The following MORC3 variants were observed in gnomAD, a reference collection of about 807,000 sequenced individuals.
MORC3 encodes the protein MORC family CW-type zinc finger protein 3.
Under a neutral mutation model 109.1 loss-of-function variants are expected in MORC3, and 31 were observed. That is an observed-to-expected ratio of 0.28 (90% CI 0.21 to 0.38). MORC3 has a LOEUF of 0.38. Among genes scored for constraint, MORC3 ranks in the 10% least tolerant of loss-of-function variants. The pLI is 1.00. For synonymous variants in MORC3, 395 were observed against 380.7 expected, an observed-to-expected ratio of 1.04 and a Z score of -0.44; for missense variants, 867 against 1,135.8, an observed-to-expected ratio of 0.76 and a Z score of 3.40.
intron 1 of MORC3, among the ~76,000 whole-genome samples, chr21:36,326,908 C>T (rs1313250501): frequency 5.3e-5 from 8 of 151,668 alleles, no homozygotes; most frequent in Non-Finnish European, 1.0e-4. Flanking sequence ...CTCTGCTTCC[C>T]GGGTTTAAGC....
Position 36,375,997 on chromosome 21 carries a change from T to C in MORC3, c.*701T>C, listed in dbSNP as rs369007667. The C allele has an allele frequency of 3.9e-5, 6 of 152,212 alleles. No individual in the cohort carries two copies. The East Asian group carries it at 1.2e-3, about 29-fold the overall frequency. The allele number at this position is 152,212 out of a possible 1,614,324, so 9.4% of individuals were successfully genotyped here. ...TGAAATATTAAATGGCCACCAAGTT[T>C]ACTTTGAAGCCCATTTTTGGCTGTT... is the stretch of plus-strand genomic sequence containing the variant. On this transcript the variant is annotated 3_prime_UTR_variant, in exon 17 of 17. Coordinates refer to ENST00000400485, the MANE Select transcript of MORC3 (RefSeq NM_015358.3).
chr21:36,345,125 T>C (rs2085493134), intron 8 of MORC3, 94 bp downstream of exon 8: 2 of 1,291,042 alleles, frequency 1.5e-6, no homozygotes. Flanking sequence ...ATAATTTTAT[T>C]GTACCTTTTG....
In MORC3 at chr21:36,320,896, C is replaced by T. The variant is rs370053464; in HGVS notation, c.39+593C>T. 4.6e-5 allele frequency among the ~76,000 whole-genome samples: 7 copies of T among 152,322 alleles called. No homozygotes were observed. The East Asian group carries it at 7.7e-4, about 17-fold the overall frequency. ...ATCCCGCGTTGCGTCTGTTTTGGGG[C>T]GTTTCGAGTTCTTGGAAACCCTGTG... On this transcript the variant is annotated intron_variant, in intron 1 of 16. Coordinates refer to ENST00000400485, the MANE Select transcript of MORC3 (RefSeq NM_015358.3).
chr21:36,360,488 G>C (rs1307215269), intron 12 of MORC3: 2 of 561,926 alleles, frequency 3.6e-6, no homozygotes, highest in Non-Finnish European at 6.3e-6. Context: ...TGTAAGAGCA[G>C]TCTGCTGTTG....
chr21:36,332,790 C>CTTT (rs71197001), intron 1 of MORC3, among the ~76,000 whole-genome samples: 3 of 139,876 alleles, frequency 2.1e-5, no homozygotes, highest in African/African-American at 5.3e-5. Context: ...GGAACTCTTT[C>CTTT]TTTTTTTTTT....
chr21:36,341,274 C>T (rs2085442308), intron 5 of MORC3, 125 bp from the exon 6 acceptor site: 3 of 844,000 alleles, frequency 3.6e-6, no homozygotes, highest in Non-Finnish European at 5.3e-6. Flanking sequence ...CACCCCCAAC[C>T]CCCCACTGAC....
intron 1 of MORC3, among the ~76,000 whole-genome samples, chr21:36,331,370 A>G (rs911027013): frequency 6.6e-6 from 1 of 151,522 alleles, no homozygotes; most frequent in Admixed American, 6.6e-5. Flanking sequence ...AGGCTGAGGT[A>G]GGCAGATCAC....
At chr21:36,351,057 C>CTTTTTTT (rs748042243) in intron 9 of MORC3, among the ~76,000 whole-genome samples, 1 of 71,428 alleles carries the variant, frequency 1.4e-5, no homozygotes. Flanking sequence ...GGTTGTCCTC[C>CTTTTTTT]TTTTTTTTTT....
intron 8 of MORC3, among the ~76,000 whole-genome samples, chr21:36,346,839 C>T (rs2085513463): frequency 6.6e-6 from 1 of 151,414 alleles, no homozygotes; most frequent in African/African-American, 2.4e-5. Flanking sequence ...ATCGTCTCTA[C>T]AAAACAATAA....
chr21:36,322,337 G>T (rs1377822870), intron 1 of MORC3, among the ~76,000 whole-genome samples: 1 of 148,996 alleles, frequency 6.7e-6, no homozygotes, highest in South Asian at 2.1e-4. Context: ...ACATTTTAAG[G>T]CACAAAGGGT....
chr21:36,337,724 C>A lies in MORC3; in HGVS notation c.246-8C>A, dbSNP rs1372402822. ...ATTTATTTTTAAAAATCTTTATTTT[C>A]TTCTTAGCTTTGGCTTCAGTGACAA... On this transcript the variant is annotated splice_region_variant and splice_polypyrimidine_tract_variant and intron_variant, in intron 3 of 16. Transcript: ENST00000400485. 2 of 1,554,216 alleles carry A rather than the reference C, an allele frequency of 1.3e-6. No homozygotes were observed. The highest frequency in any genetic ancestry group is 1.2e-5 in the South Asian group (1 of 80,290).
At chr21:36,366,027 AG>A (rs1489390171) in intron 14 of MORC3, among the ~76,000 whole-genome samples, 2 of 152,190 alleles carry the variant, frequency 1.3e-5, no homozygotes, top group African/African-American at 2.4e-5. Flanking sequence ...AAGAGATTAA[AG>A]GTATTTTTAA....
chr21:36,328,418 C>T (rs1323423033), intron 1 of MORC3, among the ~76,000 whole-genome samples: 1 of 149,742 alleles, frequency 6.7e-6, no homozygotes, highest in African/African-American at 2.4e-5. Context: ...GTGGCGCCAT[C>T]GCAGTCTCCA....
intron 1 of MORC3, among the ~76,000 whole-genome samples, chr21:36,326,884 C>T (rs1011832468): frequency 3.3e-5 from 5 of 151,234 alleles, no homozygotes; most frequent in South Asian, 2.1e-4. Context: ...GGTGCGATCT[C>T]GGCTCACTGC....
In MORC3 at chr21:36,369,262, T is replaced by C; in HGVS notation, c.1894T>C (p.Cys632Arg). 1.9e-6 allele frequency: 3 copies of C among 1,614,198 alleles called. No individual in the cohort carries two copies. Among genetic ancestry groups the C allele is most frequent in the East Asian group, 2.2e-5 (1 of 44,886 alleles). The stretch of plus-strand genomic sequence containing the variant: ...TTCAACAAGCACCTCATCATCCCGA[T>C]GCGACCAGGGAAATACTGCAGCTAC... Reference protein sequence around the residue: ...TGSTSTSSSRCDQGNTAATQT... With the variant: ...TGSTSTSSSRRDQGNTAATQT... The change falls in exon 15 of 17, where the codon TGC becomes CGC. Residue 632 changes from cysteine (C) to arginine (R), a missense_variant. Physicochemically the swap from Cys to Arg is radical, Grantham distance 180. This residue lies in a region of MORC3 where 486 missense variants were observed against 502.1 expected (regional missense o/e 0.97). Coordinates refer to ENST00000400485, the MANE Select transcript of MORC3 (RefSeq NM_015358.3).
At position 36,339,563 on chromosome 21, in the gene MORC3, A is replaced by G. The variant is rs1317258317; in HGVS notation, c.608+642A>G. ...AATGAGAAGACAAATTCAGGAGGAT[A>G]AATCTTTCTTCATTGTGTACATTAC... On this transcript the variant is annotated intron_variant, in intron 5 of 16. Transcript: ENST00000400485. 2.0e-5 allele frequency: 3 copies of G among 152,094 alleles called. No homozygotes were observed. In the East Asian group the frequency reaches 5.8e-4, roughly 29 times the overall value. 9.4% of individuals were successfully genotyped at this position (152,094 alleles called of 1,614,324 possible). A position where few individuals can be genotyped will look rare whatever the true frequency, so the allele number is the denominator to read the frequency against.
intron 1 of MORC3, among the ~76,000 whole-genome samples, chr21:36,322,075 A>G (rs1230074814): frequency 3.9e-5 from 6 of 152,222 alleles, no homozygotes; most frequent in African/African-American, 9.7e-5. Context: ...GGCAAACTAC[A>G]TACAGCTCAT....
intron 4 of MORC3, among the ~76,000 whole-genome samples, chr21:36,338,525 A>G (rs1191234707): frequency 6.6e-6 from 1 of 151,888 alleles, no homozygotes; most frequent in Non-Finnish European, 1.5e-5. Flanking sequence ...CTATCTCTAC[A>G]AAAAAAATTT....
chr21:36,371,652 TAAAGTC>T (rs1426788178), intron 15 of MORC3, among the ~76,000 whole-genome samples: 1 of 149,530 alleles, frequency 6.7e-6, no homozygotes, highest in Non-Finnish European at 1.5e-5. Flanking sequence ...TGGAAAATCA[TAAAGTC>T]AAACCGTTGT....
Sources: gnomAD v4.1 joint callset for allele counts (sites outside exome capture counted in the v4.1 genomes callset) on GRCh38, gnomAD v4.1.1 for gene constraint, gnomAD v4.1.1 regional missense constraint, MANE v1.5 for transcripts, NCBI Gene and HGNC (gene_info 2026-07-23, HGNC 2026-07-21) for gene names.